The following AKAP17A variants were observed in gnomAD, a reference collection of about 807,000 sequenced individuals.
The protein encoded by AKAP17A is A-kinase anchoring protein 17A, also known as A-kinase anchor protein 17A.
A neutral mutation model predicts 52.2 loss-of-function variants in AKAP17A; 15 were observed. The observed-to-expected ratio is 0.29, with a 90% CI of 0.19 to 0.44. AKAP17A has a LOEUF of 0.44. Ranked by LOEUF, AKAP17A falls within the 20% of genes least tolerant of loss-of-function variation. AKAP17A has a pLI of 1.00. For synonymous variants in AKAP17A, 514 were observed against 424.7 expected (o/e 1.21, Z -2.58); for missense variants, 1,060 against 1,007.0 (o/e 1.05, Z -0.71).
Position 1,595,537 on chromosome X carries a change from CTTCT to C in AKAP17A, c.911+6_911+9del. 6.2e-7 allele frequency: 1 copy of C among 1,613,662 alleles called. No individual in the cohort carries two copies. Among genetic ancestry groups the C allele is most frequent in the Non-Finnish European group, 8.5e-7 (1 of 1,179,836 alleles). On this transcript the variant is annotated splice_donor_region_variant and intron_variant, in intron 3 of 4. Transcript: ENST00000313871. ...GAGGCAGCGAGCGGAGGAAAGGTACCTTCTGCGGGAGCGGGCCCTCGGCGCTGGT... is the reference window on the plus strand; with the variant it reads ...GAGGCAGCGAGCGGAGGAAAGGTACCGCGGGAGCGGGCCCTCGGCGCTGGT...
rs1187138359 is a variant in AKAP17A at position 1,601,804 on chromosome X, G to C, written c.*210G>C. 3.5e-5 allele frequency: 15 copies of C among 432,600 alleles called. No homozygotes were observed. In the East Asian group the frequency reaches 4.5e-4, roughly 13 times the overall value. 26.8% of individuals were successfully genotyped at this position (432,600 alleles called of 1,614,324 possible). ...TCACCGCAGCGTACTTGGCACTTCA[G>C]TTTCAAACACGTAGTCCTTTAAAAC... is the stretch of plus-strand genomic sequence containing the variant. On this transcript the variant is annotated 3_prime_UTR_variant, in exon 5 of 5. Transcript: ENST00000313871.
At chrX:1,597,662 C>T (rs1362966707) in intron 3 of AKAP17A, among the ~76,000 whole-genome samples, 10 of 131,446 alleles carry the variant, frequency 7.6e-5, no homozygotes, top group East Asian at 2.3e-4. Context: ...CTCTCGGTGT[C>T]GCAGGAGTGT....
At chrX:1,596,974 C>T (rs139828924) in intron 3 of AKAP17A, among the ~76,000 whole-genome samples, 184 of 151,302 alleles carry the variant, frequency 1.2e-3, no homozygotes, top group African/African-American at 4.0e-3. Flanking sequence ...TGTCCTCTGA[C>T]GACTTTGGTG....
chrX:1,597,488 C>T (rs181718364), intron 3 of AKAP17A, among the ~76,000 whole-genome samples: 135 of 152,104 alleles, frequency 8.9e-4, no homozygotes, highest in Middle Eastern at 3.4e-3. Flanking sequence ...GGGTTGAGTC[C>T]GGGTCCCCTG....
intron 3 of AKAP17A, 111 bp from the exon 4 acceptor site, chrX:1,599,081 C>A: frequency 6.7e-7 from 1 of 1,493,848 alleles, no homozygotes; most frequent in Non-Finnish European, 9.0e-7. Flanking sequence ...GAGTTAAATG[C>A]TTAATCGTTG....
intron 3 of AKAP17A, 123 bp from the exon 4 acceptor site, chrX:1,599,069 A>C (rs1466384412): frequency 6.9e-5 from 100 of 1,456,604 alleles, no homozygotes; most frequent in Non-Finnish European, 9.0e-5. Context: ...CCTTGGGATA[A>C]AGAGTTAAAT....
chrX:1,599,560 T>A, intron 4 of AKAP17A, 128 bp downstream of exon 4: 1 of 1,311,086 alleles, frequency 7.6e-7, no homozygotes, highest in Non-Finnish European at 1.1e-6. Flanking sequence ...AAACCAGCTT[T>A]AATGCCGAGG....
intron 3 of AKAP17A, among the ~76,000 whole-genome samples, chrX:1,597,569 C>T (rs1399857161): frequency 6.6e-6 from 1 of 151,888 alleles, no homozygotes. Context: ...AGGGACTCTT[C>T]CAGGCTGCAG....
At chrX:1,598,187 G>T (rs1457940552) in intron 3 of AKAP17A, among the ~76,000 whole-genome samples, 2 of 151,592 alleles carry the variant, frequency 1.3e-5, no homozygotes, top group East Asian at 3.9e-4. Context: ...CGAGCTCGTG[G>T]GGCGGTGACA....
At chrX:1,592,307 C>G (rs1393530309) in intron 1 of AKAP17A, among the ~76,000 whole-genome samples, 3 of 151,884 alleles carry the variant, frequency 2.0e-5, no homozygotes, top group Admixed American at 2.0e-4. Flanking sequence ...GTGTGGGGCC[C>G]TGCCAGGGGT....
rs369460597 is a variant in AKAP17A, at chrX:1,601,396, G to A, written c.1890G>A (p.Lys630=). ...ERRPHKKHAY[K]DDSPRRRSTS... ...GGCCCCACAAGAAGCACGCCTACAA[G>A]GATGACAGCCCCCGCCGGCGCAGCA... The change falls in exon 5 of 5, where the codon AAG becomes AAA. Residue 630 remains lysine, a synonymous_variant. Coordinates refer to ENST00000313871, the MANE Select transcript of AKAP17A (RefSeq NM_005088.3). 5.1e-6 allele frequency: 8 copies of A among 1,566,470 alleles called. No individual in the cohort carries two copies. Among genetic ancestry groups the A allele is most frequent in the Non-Finnish European group, 6.9e-6 (8 of 1,163,478 alleles).
At chrX:1,597,736 C>G (rs1163186020) in intron 3 of AKAP17A, among the ~76,000 whole-genome samples, 28 of 152,064 alleles carry the variant, frequency 1.8e-4, no homozygotes, top group Non-Finnish European at 3.7e-4. Flanking sequence ...TGATCTTTCC[C>G]TGAGGAGAGA....
At position 1,601,355 on chromosome X, in the gene AKAP17A, C is replaced by T. The variant is rs767383500; in HGVS notation, c.1849C>T (p.Pro617Ser). The T allele has an allele frequency of 3.8e-6, 6 of 1,589,178 alleles. No individual in the cohort carries two copies. The South Asian group carries it at 5.6e-5, about 15-fold the overall frequency. Residue 617 changes from proline (P) to serine (S), a missense_variant, in exon 5 of 5, where the codon CCA (proline) becomes TCA (serine). By Grantham distance (74) the Pro-to-Ser change is moderately conservative (BLOSUM62 -1). Coordinates refer to ENST00000313871, the MANE Select transcript of AKAP17A (RefSeq NM_005088.3). ...GGCCAGCAGCAGGGAGGACGGGAGGCCACGCAAGGAGCGGCGGCCCCACAA... is the reference window on the plus strand; with the variant it reads ...GGCCAGCAGCAGGGAGGACGGGAGGTCACGCAAGGAGCGGCGGCCCCACAA... ...RRASSREDGR[P>S]RKERRPHKKH...
rs1433425706 is a variant in AKAP17A at position 1,600,821 on chromosome X, C to A, written c.1315C>A (p.Leu439Met). The stretch of plus-strand genomic sequence containing the variant: ...AGAGCGGGAGCTGCGCGAGCGGCTG[C>A]TGAGCATCCTGCTGAGCAAGAAGCC... ...RKERELRERL[L>M]SILLSKKPDD... is the part of the protein sequence containing the mutation. The change falls in exon 5 of 5, where the codon CTG becomes ATG. Residue 439 changes from leucine (L) to methionine (M), a missense_variant. By Grantham distance (15) the Leu-to-Met change is conservative. Around this residue, in one of 2 missense-constraint regions of AKAP17A, gnomAD observed 793 missense variants for 629.9 expected, o/e 1.26. Coordinates refer to ENST00000313871, the MANE Select transcript of AKAP17A (RefSeq NM_005088.3). 5.0e-6 allele frequency: 8 copies of A among 1,592,346 alleles called. No individual in the cohort carries two copies. The highest frequency in any genetic ancestry group is 6.8e-6 in the Non-Finnish European group (8 of 1,173,880).
In AKAP17A at chrX:1,600,800, C is replaced by T. The variant is rs754874095; in HGVS notation, c.1294C>T (p.Arg432Trp). Residue 432 changes from arginine (R) to tryptophan (W), a missense_variant, in exon 5 of 5, where the codon CGG becomes TGG. Physicochemically the swap from Arg to Trp is moderately radical, Grantham distance 101. This residue lies in a region of AKAP17A where 793 missense variants were observed against 629.9 expected (regional missense o/e 1.26). Coordinates refer to ENST00000313871, the MANE Select transcript of AKAP17A (RefSeq NM_005088.3). ...ERALGLQRKE[R>W]ELRERLLSIL... is the part of the protein sequence containing the mutation. ...CGCGCTGGGCCTGCAGCGGAAAGAG[C>T]GGGAGCTGCGCGAGCGGCTGCTGAG... The T allele has an allele frequency of 1.9e-5, 30 of 1,588,628 alleles. No homozygotes were observed. The highest frequency in any genetic ancestry group is 5.3e-5 in the African/African-American group (4 of 74,830).
At position 1,602,083 on chromosome X, in the gene AKAP17A, G is replaced by A. The variant is rs1488122445; in HGVS notation, c.*489G>A. 6.4e-6 allele frequency: 1 copy of A among 157,004 alleles called. No individual in the cohort carries two copies. Among genetic ancestry groups the A allele is most frequent in the African/African-American group, 2.4e-5 (1 of 41,680 alleles). The allele number at this position is 157,004 out of a possible 1,614,324, so 9.7% of individuals were successfully genotyped here. A position where few individuals can be genotyped will look rare whatever the true frequency, so the allele number is the denominator to read the frequency against. ...TAACTGATCAGGAAGTGCAGTTTGG[G>A]TGGGATGCCGAATCGTCGTGCTGAC... On this transcript the variant is annotated 3_prime_UTR_variant, in exon 5 of 5. Transcript: ENST00000313871.
chrX:1,593,889 G>C lies in AKAP17A; in HGVS notation c.427G>C (p.Gly143Arg). 6.2e-7 allele frequency: 1 copy of C among 1,612,380 alleles called. No homozygotes were observed. The highest frequency in any genetic ancestry group is 1.7e-5 in the Admixed American group (1 of 59,928). Residue 143 changes from glycine to arginine, a missense_variant, in exon 2 of 5, where the codon GGG becomes CGG. Gly to Arg is a moderately radical substitution (Grantham distance 125). Coordinates refer to ENST00000313871, the MANE Select transcript of AKAP17A (RefSeq NM_005088.3). ...CAAGGACATGAACGAGACCCTGCCG[G>C]GGGAGCGGCCGGACACCATCCACCT... ...DAKDMNETLP[G>R]ERPDTIHLEG...
chrX:1,599,570 G>C (rs1933236554), intron 4 of AKAP17A, 138 bp downstream of exon 4: 2 of 1,194,212 alleles, frequency 1.7e-6, no homozygotes, highest in Non-Finnish European at 2.4e-6. Context: ...TAATGCCGAG[G>C]ATGACGGCTC....
intron 4 of AKAP17A, 80 bp downstream of exon 4, chrX:1,599,512 A>G (rs1446525921): frequency 6.5e-7 from 1 of 1,542,444 alleles, no homozygotes; most frequent in Middle Eastern, 1.7e-4. Flanking sequence ...GGGCGGCGTC[A>G]CGGCGCCGTT....
Sources: allele counts gnomAD v4.1 joint callset (sites outside exome capture counted in the v4.1 genomes callset), GRCh38; gene constraint gnomAD v4.1.1; regional missense constraint gnomAD v4.1.1; transcripts MANE v1.5; gene names NCBI Gene and HGNC (gene_info 2026-07-23, HGNC 2026-07-21).